The following ATRNL1 variants were observed in gnomAD, a reference collection of about 807,000 sequenced individuals.
ATRNL1 encodes the protein attractin-like protein 1.
ATRNL1 carries 95 observed loss-of-function variants against 182.7 expected under a neutral mutation model. The ratio of observed to expected loss-of-function variants is 0.52; its 90% CI spans 0.44 to 0.62. The LOEUF (loss-of-function observed/expected upper bound fraction) is 0.62. Ranked by LOEUF, ATRNL1 falls within the 20% of genes least tolerant of loss-of-function variation. ATRNL1 has a pLI of 0.00. For synonymous variants in ATRNL1, 576 were observed against 568.3 expected (o/e 1.01, Z -0.19); for missense variants, 1,471 against 1,679.5 (o/e 0.88, Z 2.17).
At chr10:115,878,156 TG>T (rs1951741411) in intron 28 of ATRNL1, among the ~76,000 whole-genome samples, 1 of 152,194 alleles carries the variant, frequency 6.6e-6, no homozygotes, top group South Asian at 2.1e-4. Context: ...TGCAGAAAAA[TG>T]GAAGAATCTT....
intron 26 of ATRNL1, among the ~76,000 whole-genome samples, chr10:115,706,199 A>G (rs1312824515): frequency 8.6e-5 from 13 of 151,962 alleles, no homozygotes; most frequent in South Asian, 2.1e-4. Flanking sequence ...TGCCTTTTTT[A>G]GTTTCTAAAA....
At chr10:115,848,682 T>C (rs1950985952) in intron 28 of ATRNL1, among the ~76,000 whole-genome samples, 1 of 152,222 alleles carries the variant, frequency 6.6e-6, no homozygotes, top group African/African-American at 2.4e-5. Context: ...GCATGCTCAA[T>C]GTTGAATATA....
At chr10:115,601,496 A>G (rs933114114) in intron 26 of ATRNL1, among the ~76,000 whole-genome samples, 2 of 152,144 alleles carry the variant, frequency 1.3e-5, no homozygotes, top group Non-Finnish European at 1.5e-5. Context: ...ATAATTGTGG[A>G]TGTATCTATT....
intron 26 of ATRNL1, among the ~76,000 whole-genome samples, chr10:115,654,966 G>A (rs1329908074): frequency 6.6e-6 from 1 of 152,138 alleles, no homozygotes; most frequent in African/African-American, 2.4e-5. Context: ...TTTGTTCTGG[G>A]TAGGCCAGCT....
chr10:115,098,069 CTTCT>C (rs1242315795), intron 1 of ATRNL1, among the ~76,000 whole-genome samples: 4 of 152,290 alleles, frequency 2.6e-5, no homozygotes, highest in African/African-American at 9.6e-5. Flanking sequence ...GTCCCTAAGA[CTTCT>C]TTATTTCAAA....
intron 28 of ATRNL1, among the ~76,000 whole-genome samples, chr10:115,850,528 T>G (rs1266039913): frequency 1.3e-5 from 2 of 151,418 alleles, no homozygotes; most frequent in Non-Finnish European, 3.0e-5. Flanking sequence ...TTGGGAACCA[T>G]ATTGGCTCTT....
At chr10:115,820,244 A>G (rs565412134) in intron 27 of ATRNL1, 2 of 152,248 alleles carry the variant, frequency 1.3e-5, no homozygotes, top group East Asian at 3.9e-4. Flanking sequence ...ATTCTGTCCC[A>G]CATAAGTAAA....
At chr10:115,936,691 T>C (rs568939067) in intron 28 of ATRNL1, among the ~76,000 whole-genome samples, 1 of 152,072 alleles carries the variant, frequency 6.6e-6, no homozygotes, top group Non-Finnish European at 1.5e-5. Context: ...AAATGAAAAA[T>C]AAAATACAGC....
chr10:115,400,617 T>TATACA (rs2134301180), intron 20 of ATRNL1, among the ~76,000 whole-genome samples: 1 of 152,268 alleles, frequency 6.6e-6, no homozygotes, highest in South Asian at 2.1e-4. Context: ...TTTATGAATC[T>TATACA]GGATTCTCCT....
At chr10:115,819,029 G>A (rs782202336) in intron 27 of ATRNL1, among the ~76,000 whole-genome samples, 4 of 152,040 alleles carry the variant, frequency 2.6e-5, no homozygotes, top group Non-Finnish European at 4.4e-5. Flanking sequence ...CTCTATCACA[G>A]TATCATTTGC....
intron 27 of ATRNL1, among the ~76,000 whole-genome samples, chr10:115,819,083 C>CATGA (rs1565406802): frequency 6.6e-6 from 1 of 152,000 alleles, no homozygotes; most frequent in East Asian, 1.9e-4. Context: ...GCTCAGGCAT[C>CATGA]CCTCCTAGGC....
chr10:115,226,293 CAATA>C (rs782437869), intron 9 of ATRNL1, among the ~76,000 whole-genome samples: 11 of 151,676 alleles, frequency 7.3e-5, no homozygotes, highest in Non-Finnish European at 1.5e-4. Flanking sequence ...TGTGGAAGTA[CAATA>C]ATATTCTAGA....
chr10:115,154,864 C>G (rs782473880), intron 5 of ATRNL1, among the ~76,000 whole-genome samples: 1 of 152,164 alleles, frequency 6.6e-6, no homozygotes, highest in Non-Finnish European at 1.5e-5. Flanking sequence ...GACAGGCACT[C>G]TTAGACTGCC....
chr10:115,146,665 C>A (rs1370171001), intron 5 of ATRNL1, among the ~76,000 whole-genome samples: 1 of 152,064 alleles, frequency 6.6e-6, no homozygotes, highest in Non-Finnish European at 1.5e-5. Context: ...CTATTCTATA[C>A]CTCCATGAGA....
intron 25 of ATRNL1, among the ~76,000 whole-genome samples, chr10:115,532,345 A>G (rs9663169): frequency 0.63 from 95,951 of 151,774 alleles, 31,383 homozygotes; most frequent in Middle Eastern, 0.73. Context: ...GGTCCTTCAC[A>G]TCCCTTGTAA....
intron 5 of ATRNL1, 75 bp downstream of exon 5, chr10:115,129,610 T>A: frequency 7.7e-7 from 1 of 1,290,516 alleles, no homozygotes; most frequent in Non-Finnish European, 1.1e-6. Context: ...TTCCACACGT[T>A]TGTTTCGTTA....
At chr10:115,249,457 T>TA (rs1850782067) in intron 10 of ATRNL1, among the ~76,000 whole-genome samples, 1 of 152,198 alleles carries the variant, frequency 6.6e-6, no homozygotes, top group East Asian at 1.9e-4. Flanking sequence ...GTATAATTGT[T>TA]AAAATAAATC....
chr10:115,928,351 T>C (rs562466041), intron 28 of ATRNL1, among the ~76,000 whole-genome samples: 3 of 152,200 alleles, frequency 2.0e-5, no homozygotes, highest in Admixed American at 6.5e-5. Context: ...AAATTAAAGC[T>C]AACTGATTTA....
At chr10:115,420,767 G>T (rs1554961776) in intron 20 of ATRNL1, among the ~76,000 whole-genome samples, 1 of 151,862 alleles carries the variant, frequency 6.6e-6, no homozygotes, top group Admixed American at 6.6e-5. Flanking sequence ...ATGAAGAGTT[G>T]GTTTTTGAAA....
Sources: gnomAD v4.1 joint callset for allele counts (sites outside exome capture counted in the v4.1 genomes callset) on GRCh38, gnomAD v4.1.1 for gene constraint, MANE v1.5 for transcripts, NCBI Gene and HGNC (gene_info 2026-07-23, HGNC 2026-07-21) for gene names.